HS6ST3: variants seen among roughly 807,000 people sequenced by gnomAD.
HS6ST3 encodes the protein heparan-sulfate 6-O-sulfotransferase 3.
A neutral mutation model predicts 36.7 loss-of-function variants in HS6ST3; 12 were observed. That is an observed-to-expected ratio of 0.33 (90% CI 0.21 to 0.53). The LOEUF (loss-of-function observed/expected upper bound fraction) is 0.53. Among genes scored for constraint, HS6ST3 ranks in the 20% least tolerant of loss-of-function variants. The pLI is 0.95. For synonymous variants in HS6ST3, 240 were observed against 257.5 expected (o/e 0.93, Z 0.65); for missense variants, 584 against 640.9 (o/e 0.91, Z 0.96).
intron 1 of HS6ST3, among the ~76,000 whole-genome samples, chr13:96,755,157 G>A (rs1228885468): frequency 1.3e-5 from 2 of 151,510 alleles, no homozygotes; most frequent in South Asian, 2.1e-4. Flanking sequence ...ACTCATTTCT[G>A]GTCAATTTCC....
intron 1 of HS6ST3, among the ~76,000 whole-genome samples, chr13:96,464,672 A>C (rs1271820251): frequency 2.0e-5 from 3 of 152,210 alleles, no homozygotes; most frequent in Admixed American, 6.5e-5. Context: ...GCATTTAAGA[A>C]GTATTCTCAG....
intron 1 of HS6ST3, among the ~76,000 whole-genome samples, chr13:96,356,829 C>A (rs1379050882): frequency 6.6e-6 from 1 of 152,182 alleles, no homozygotes; most frequent in Admixed American, 6.5e-5. Flanking sequence ...TCATTGACTT[C>A]TCTTTAGCTA....
intron 1 of HS6ST3, among the ~76,000 whole-genome samples, chr13:96,612,680 G>A (rs529077007): frequency 6.6e-6 from 1 of 152,090 alleles, no homozygotes; most frequent in East Asian, 1.9e-4. Flanking sequence ...GAGTCATCCT[G>A]GACTCCTCTC....
At chr13:96,190,093 A>G (rs540297402) in intron 1 of HS6ST3, among the ~76,000 whole-genome samples, 21 of 152,340 alleles carry the variant, frequency 1.4e-4, no homozygotes, top group Middle Eastern at 3.4e-3. Flanking sequence ...AAAAAGATAA[A>G]TGGCCCACAG....
intron 1 of HS6ST3, among the ~76,000 whole-genome samples, chr13:96,750,940 A>C (rs1253941124): frequency 6.6e-6 from 1 of 152,222 alleles, no homozygotes; most frequent in Non-Finnish European, 1.5e-5. Flanking sequence ...CACTATAGAG[A>C]ATATAGAATT....
At chr13:96,424,217 T>C (rs1274709429) in intron 1 of HS6ST3, among the ~76,000 whole-genome samples, 1 of 151,620 alleles carries the variant, frequency 6.6e-6, no homozygotes, top group African/African-American at 2.4e-5. Flanking sequence ...AAAATGAAGA[T>C]GTCTTCATTC....
At chr13:96,608,342 A>G (rs2056446113) in intron 1 of HS6ST3, among the ~76,000 whole-genome samples, 1 of 152,256 alleles carries the variant, frequency 6.6e-6, no homozygotes, top group South Asian at 2.1e-4. Context: ...GCAATTTCCA[A>G]TGAATGAATA....
chr13:96,733,322 T>G (rs1204684369), intron 1 of HS6ST3, among the ~76,000 whole-genome samples: 1 of 152,214 alleles, frequency 6.6e-6, no homozygotes, highest in Non-Finnish European at 1.5e-5. Flanking sequence ...TGTAATTTGT[T>G]GAGAGTTTAT....
intron 1 of HS6ST3, among the ~76,000 whole-genome samples, chr13:96,348,026 T>C (rs896528234): frequency 1.3e-5 from 2 of 152,178 alleles, no homozygotes; most frequent in African/African-American, 4.8e-5. Context: ...TCAGTAAATA[T>C]TTGGTGAAGA....
intron 1 of HS6ST3, among the ~76,000 whole-genome samples, chr13:96,360,511 A>G (rs781041640): frequency 2.0e-5 from 3 of 152,038 alleles, no homozygotes; most frequent in Admixed American, 1.3e-4. Context: ...AAAAATTTCA[A>G]TCACCCACTG....
intron 1 of HS6ST3, among the ~76,000 whole-genome samples, chr13:96,248,215 T>C (rs2054592963): frequency 6.6e-6 from 1 of 152,138 alleles, no homozygotes; most frequent in Non-Finnish European, 1.5e-5. Flanking sequence ...CAAAAACCTT[T>C]TATTGTTGTA....
At chr13:96,203,255 AT>A (rs2054352305) in intron 1 of HS6ST3, among the ~76,000 whole-genome samples, 1 of 152,218 alleles carries the variant, frequency 6.6e-6, no homozygotes, top group South Asian at 2.1e-4. Flanking sequence ...CAGGAAGAAG[AT>A]ACCAGGTAGA....
At chr13:96,819,606 G>A (rs1027083185) in intron 1 of HS6ST3, among the ~76,000 whole-genome samples, 2 of 152,142 alleles carry the variant, frequency 1.3e-5, no homozygotes, top group African/African-American at 4.8e-5. Flanking sequence ...GCCACGCAGT[G>A]TACCATTATA....
chr13:96,404,925 T>G (rs138200468), intron 1 of HS6ST3, among the ~76,000 whole-genome samples: 1 of 152,318 alleles, frequency 6.6e-6, no homozygotes, highest in Non-Finnish European at 1.5e-5. Flanking sequence ...TGCGTTGTGC[T>G]GGTGATAGTG....
At chr13:96,188,207 A>G (rs1030720556) in intron 1 of HS6ST3, among the ~76,000 whole-genome samples, 46 of 152,238 alleles carry the variant, frequency 3.0e-4, no homozygotes, top group Non-Finnish European at 1.6e-4. Context: ...AGAACTTGAC[A>G]TAGTATGATA....
chr13:96,277,654 C>G (rs1471577547), intron 1 of HS6ST3, among the ~76,000 whole-genome samples: 1 of 152,028 alleles, frequency 6.6e-6, no homozygotes, highest in Non-Finnish European at 1.5e-5. Flanking sequence ...ATGAAAATGT[C>G]ACAAATTCTT....
At chr13:96,794,419 T>TA (rs545699750) in intron 1 of HS6ST3, among the ~76,000 whole-genome samples, 20 of 152,084 alleles carry the variant, frequency 1.3e-4, no homozygotes, top group Non-Finnish European at 2.8e-4. Context: ...AAAATAGACA[T>TA]ATGTTAACAA....
intron 1 of HS6ST3, among the ~76,000 whole-genome samples, chr13:96,707,046 T>G (rs759882393): frequency 2.0e-4 from 31 of 152,196 alleles, no homozygotes; most frequent in Non-Finnish European, 3.8e-4. Flanking sequence ...GTTTAGGAAA[T>G]GTGTCTTATT....
chr13:96,735,002 A>G (rs563130955), intron 1 of HS6ST3, among the ~76,000 whole-genome samples: 30 of 152,264 alleles, frequency 2.0e-4, no homozygotes, highest in African/African-American at 7.2e-4. Context: ...GATGGTTGAG[A>G]TGCTGCAGAG....
Sources: allele counts gnomAD v4.1 joint callset (sites outside exome capture counted in the v4.1 genomes callset), GRCh38; gene constraint gnomAD v4.1.1; transcripts MANE v1.5; gene names NCBI Gene and HGNC (gene_info 2026-07-23, HGNC 2026-07-21).